Variants in IL16 observed in about 807,000 individuals in gnomAD.
The protein encoded by IL16 is pro-interleukin-16.
A neutral mutation model predicts 110.1 loss-of-function variants in IL16; 67 were observed. The observed-to-expected ratio is 0.61, with a 90% CI of 0.50 to 0.75. The LOEUF (loss-of-function observed/expected upper bound fraction) is 0.75. Among genes scored for constraint, IL16 ranks in the 30% least tolerant of loss-of-function variants. The pLI, the probability that IL16 is intolerant of heterozygous loss-of-function variation, is 0.00. For synonymous variants in IL16, 689 were observed against 662.9 expected, an observed-to-expected ratio of 1.04 and a Z score of -0.61; for missense variants, 1,545 against 1,655.0, an observed-to-expected ratio of 0.93 and a Z score of 1.15.
chr15:81,274,135 C>T (rs372047828), intron 6 of IL16, among the ~76,000 whole-genome samples: 1 of 152,166 alleles, frequency 6.6e-6, no homozygotes, highest in Non-Finnish European at 1.5e-5. Context: ...TCTGTCAGCT[C>T]GCTTTCTATA....
At chr15:81,244,469 G>A (rs1253639458) in intron 2 of IL16, among the ~76,000 whole-genome samples, 1 of 151,786 alleles carries the variant, frequency 6.6e-6, no homozygotes, top group Non-Finnish European at 1.5e-5. Context: ...CTACATAAAG[G>A]ACCTTAGGCT....
At chr15:81,301,598 T>C (rs1900290188) in intron 15 of IL16, 86 bp downstream of exon 15, 1 of 1,193,146 alleles carries the variant, frequency 8.4e-7, no homozygotes, top group African/African-American at 1.5e-5. Context: ...GGGAAGTAGC[T>C]TGAGTAGCCT....
chr15:81,200,271 T>G (rs148270629), intron 1 of IL16, among the ~76,000 whole-genome samples: 1,911 of 151,924 alleles, frequency 0.013, 17 homozygotes, highest in Admixed American at 0.024. Context: ...ATAAATCTTA[T>G]GTGTATGTGA....
At chr15:81,292,403 C>T in intron 11 of IL16, 153 bp from the exon 12 acceptor site, 2 of 1,146,776 alleles carry the variant, frequency 1.7e-6, no homozygotes, top group Non-Finnish European at 1.3e-6. Context: ...GGACCAACAC[C>T]AAGACTGCCA....
intron 5 of IL16, 98 bp downstream of exon 5, chr15:81,269,746 G>A: frequency 1.2e-6 from 1 of 808,126 alleles, no homozygotes; most frequent in Non-Finnish European, 2.1e-6. Flanking sequence ...GACTACTGGG[G>A]TGTCCTGGCG....
upstream of IL16, among the ~76,000 whole-genome samples, chr15:81,193,977 A>ATGTTACATTACTAGTTAAAAT (rs1262993432): frequency 5.2e-4 from 79 of 152,256 alleles, no homozygotes; most frequent in African/African-American, 1.9e-3. Flanking sequence ...ATTCTGCGTC[A>ATGTTACATTACTAGTTAAAAT]TGTTACATTA....
At chr15:81,203,725 C>A (rs1895908467) in intron 1 of IL16, among the ~76,000 whole-genome samples, 1 of 152,172 alleles carries the variant, frequency 6.6e-6, no homozygotes, top group Admixed American at 6.5e-5. Context: ...GTTACTGCAG[C>A]CTTGTAGTAT....
rs1899782702 is a variant in IL16 at position 81,292,613 on chromosome 15, A to G, written c.1478A>G (p.Glu493Gly). 6.2e-7 allele frequency: 1 copy of G among 1,608,132 alleles called. No individual in the cohort carries two copies. Among genetic ancestry groups the G allele is most frequent in the Non-Finnish European group, 8.5e-7 (1 of 1,175,122 alleles). ...HGRPTLEKER[E>G]KNSAPPHRRA... ...CGGCCCACCTTGGAGAAGGAACGAGAGAAGAACTCAGCACCCCCGCATCGC... is the reference window on the plus strand; with the variant it reads ...CGGCCCACCTTGGAGAAGGAACGAGGGAAGAACTCAGCACCCCCGCATCGC... Residue 493 changes from glutamate (E) to glycine (G), a missense_variant, in exon 12 of 19, where the codon GAG (glutamate) becomes GGG (glycine). Coordinates refer to ENST00000683961, the MANE Select transcript of IL16 (RefSeq NM_172217.5).
At chr15:81,267,299 C>A (rs990250299) in intron 4 of IL16, among the ~76,000 whole-genome samples, 20 of 152,146 alleles carry the variant, frequency 1.3e-4, no homozygotes, top group African/African-American at 4.6e-4. Flanking sequence ...TACATTCCAC[C>A]AGGAAGGAGT....
intron 2 of IL16, among the ~76,000 whole-genome samples, chr15:81,233,525 A>G (rs1281138606): frequency 6.6e-6 from 1 of 151,050 alleles, no homozygotes; most frequent in Non-Finnish European, 1.5e-5. Flanking sequence ...TAATTGTTCC[A>G]TAGTTAAAGA....
At chr15:81,199,341 C>T (rs1001399918) in intron 1 of IL16, among the ~76,000 whole-genome samples, 11 of 152,160 alleles carry the variant, frequency 7.2e-5, no homozygotes, top group Middle Eastern at 6.8e-3. Flanking sequence ...CAGTGTTGCT[C>T]AGTGTGTGCC....
chr15:81,244,750 C>A (rs1897475988), intron 2 of IL16, among the ~76,000 whole-genome samples: 2 of 152,132 alleles, frequency 1.3e-5, no homozygotes, highest in Admixed American at 6.5e-5. Context: ...AGTGCTCAGC[C>A]ATTATTTATG....
chr15:81,269,267 C>T (rs972904719), intron 4 of IL16, among the ~76,000 whole-genome samples: 1 of 152,232 alleles, frequency 6.6e-6, no homozygotes, highest in Non-Finnish European at 1.5e-5. Flanking sequence ...TGATGTTAAC[C>T]TGGGCCCTAC....
At chr15:81,213,403 C>T (rs1382698464) in intron 1 of IL16, among the ~76,000 whole-genome samples, 2 of 152,076 alleles carry the variant, frequency 1.3e-5, no homozygotes, top group Non-Finnish European at 1.5e-5. Flanking sequence ...CTAGTAGGTC[C>T]AACTGTTCAA....
intron 1 of IL16, among the ~76,000 whole-genome samples, chr15:81,207,554 G>A (rs887751888): frequency 2.2e-5 from 3 of 139,086 alleles, no homozygotes; most frequent in African/African-American, 8.0e-5. Flanking sequence ...GGTGTCTGTT[G>A]TTCCTCTGTT....
At chr15:81,264,862 A>G (rs1216476675) in intron 3 of IL16, among the ~76,000 whole-genome samples, 1 of 152,274 alleles carries the variant, frequency 6.6e-6, no homozygotes, top group Admixed American at 6.5e-5. Flanking sequence ...TAGATATAAC[A>G]GACCAAATAA....
At position 81,308,805 on chromosome 15, in the gene IL16, C is replaced by T. The variant is rs373081237; in HGVS notation, c.*7C>T. On this transcript the variant is annotated 3_prime_UTR_variant, in exon 19 of 19. Coordinates refer to ENST00000683961, the MANE Select transcript of IL16 (RefSeq NM_172217.5). ...AGCTGCTGGAGACTCCTAGGCAGGA[C>T]ATGCTGAAGCCAAAGCCAATAACAC... is the stretch of plus-strand genomic sequence containing the variant. The T allele has an allele frequency of 2.2e-5, 36 of 1,606,206 alleles. No homozygotes were observed. Among genetic ancestry groups the T allele is most frequent in the Non-Finnish European group, 2.7e-5 (32 of 1,177,050 alleles).
Position 81,292,857 on chromosome 15 carries a change from C to T in IL16, c.1722C>T (p.Asp574=). 6.2e-7 allele frequency: 1 copy of T among 1,613,876 alleles called. No homozygotes were observed. The highest frequency in any genetic ancestry group is 8.5e-7 in the Non-Finnish European group (1 of 1,179,882). ...GCCCACCCCTCCCAGAGAGCCGGGA[C>T]AGCCACCCGCCGCTGAGACTGAAGA... ...QESPPLPESR[D]SHPPLRLKKS... is the part of the protein sequence containing the mutation. Residue 574 remains aspartate, a synonymous_variant, in exon 12 of 19, where the codon GAC becomes GAT. Coordinates refer to ENST00000683961, the MANE Select transcript of IL16 (RefSeq NM_172217.5).
chr15:81,231,368 CTCTCTCTCT>C (rs1896976817), intron 2 of IL16, among the ~76,000 whole-genome samples: 1 of 145,638 alleles, frequency 6.9e-6, no homozygotes, highest in Non-Finnish European at 1.5e-5. Context: ...CTCTCTCTCT[CTCTCTCTCT>C]CTCTCCCTCT....
Sources: allele counts gnomAD v4.1 joint callset (sites outside exome capture counted in the v4.1 genomes callset), GRCh38; gene constraint gnomAD v4.1.1; transcripts MANE v1.5; gene names NCBI Gene and HGNC (gene_info 2026-07-23, HGNC 2026-07-21).